Variants in TENM2 observed in about 807,000 individuals in gnomAD.
The protein encoded by TENM2 is teneurin-2.
In TENM2, 52 loss-of-function variants were observed where a neutral mutation model predicts 245.2. That is an observed-to-expected ratio of 0.21 (90% CI 0.17 to 0.27). The LOEUF (loss-of-function observed/expected upper bound fraction) is 0.27. TENM2 is among the 10% of genes least tolerant of loss of function. The pLI is 1.00. For synonymous variants in TENM2, 1,363 were observed against 1,438.9 expected, an observed-to-expected ratio of 0.95 and a Z score of 1.19; for missense variants, 3,046 against 3,666.8, an observed-to-expected ratio of 0.83 and a Z score of 4.37.
At chr5:167,140,979 T>A in the TENM2 span, among the ~76,000 whole-genome samples, 1 of 152,196 alleles carries the variant, frequency 6.6e-6, no homozygotes, top group Non-Finnish European at 1.5e-5. Context: ...GCATTTAAAA[T>A]AAATAAGCCA....
the TENM2 span, among the ~76,000 whole-genome samples, chr5:167,062,491 A>G: frequency 8.7e-6 from 1 of 115,496 alleles, no homozygotes; most frequent in African/African-American, 4.7e-5. Context: ...TCCATGTCCA[A>G]GAATACACAT....
intron 2 of TENM2, among the ~76,000 whole-genome samples, chr5:167,850,877 G>A (rs1340942162): frequency 1.3e-5 from 2 of 152,156 alleles, no homozygotes; most frequent in South Asian, 2.1e-4. Context: ...TCAGGGATTT[G>A]TGTGACATAG....
intron 2 of TENM2, among the ~76,000 whole-genome samples, chr5:167,726,479 A>T (rs1760015637): frequency 6.6e-6 from 1 of 152,046 alleles, no homozygotes; most frequent in African/African-American, 2.4e-5. Flanking sequence ...TTATTTTTAG[A>T]GACAGGGTCT....
chr5:167,231,208 G>C, the TENM2 span, among the ~76,000 whole-genome samples: 9 of 152,172 alleles, frequency 5.9e-5, no homozygotes, highest in Non-Finnish European at 8.8e-5. Context: ...ACTGGGACTG[G>C]AGCACTGCAG....
chr5:167,517,813 C>T (rs1004449039), intron 2 of TENM2, among the ~76,000 whole-genome samples: 2 of 152,008 alleles, frequency 1.3e-5, no homozygotes, highest in Non-Finnish European at 2.9e-5. Flanking sequence ...CTGTTGTGTC[C>T]CCCAAATAGA....
chr5:167,808,988 C>T (rs1041870020), intron 2 of TENM2, among the ~76,000 whole-genome samples: 2 of 152,056 alleles, frequency 1.3e-5, no homozygotes, highest in Non-Finnish European at 2.9e-5. Flanking sequence ...TGTGCCGCAC[C>T]CTCAGTTACA....
At chr5:167,378,660 T>C (rs1760914743) in intron 2 of TENM2, among the ~76,000 whole-genome samples, 1 of 152,128 alleles carries the variant, frequency 6.6e-6, no homozygotes, top group Admixed American at 6.6e-5. Flanking sequence ...CATACTTTTG[T>C]TCAATAATAA....
At chr5:167,595,779 T>C (rs2127715455) in intron 2 of TENM2, among the ~76,000 whole-genome samples, 1 of 152,290 alleles carries the variant, frequency 6.6e-6, no homozygotes, top group Non-Finnish European at 1.5e-5. Context: ...GCACTTACTG[T>C]TTGTAATGTA....
intron 1 of TENM2, among the ~76,000 whole-genome samples, chr5:167,352,226 A>G (rs1758963325): frequency 6.6e-6 from 1 of 152,074 alleles, no homozygotes; most frequent in Non-Finnish European, 1.5e-5. Context: ...TCCCAAAGGG[A>G]CCTGCACTCT....
intron 2 of TENM2, among the ~76,000 whole-genome samples, chr5:167,430,952 A>G (rs1158360982): frequency 2.6e-5 from 4 of 152,200 alleles, no homozygotes; most frequent in Admixed American, 1.3e-4. Flanking sequence ...ATGCAAGCCA[A>G]TCACTTTATG....
chr5:167,073,623 C>G, the TENM2 span, among the ~76,000 whole-genome samples: 1 of 152,094 alleles, frequency 6.6e-6, no homozygotes, highest in Non-Finnish European at 1.5e-5. Context: ...CTGGATAGAT[C>G]CCCCTGTGAC....
chr5:167,926,459 C>T (rs538984108), intron 3 of TENM2, among the ~76,000 whole-genome samples: 6 of 152,244 alleles, frequency 3.9e-5, no homozygotes, highest in African/African-American at 1.2e-4. Flanking sequence ...GTGGCTCATG[C>T]CTGTAATTCC....
intron 2 of TENM2, among the ~76,000 whole-genome samples, chr5:167,814,168 C>A (rs1766857798): frequency 6.6e-6 from 1 of 152,234 alleles, no homozygotes; most frequent in African/African-American, 2.4e-5. Context: ...CACGTTTGAT[C>A]TATACAGATG....
At chr5:167,100,004 C>G in the TENM2 span, among the ~76,000 whole-genome samples, 1 of 152,120 alleles carries the variant, frequency 6.6e-6, no homozygotes, top group Non-Finnish European at 1.5e-5. Context: ...AACGTCTTTC[C>G]TTTGGTGAAT....
Position 167,405,301 on chromosome 5 carries a change from T to G in TENM2, c.502+29828T>G, listed in dbSNP as rs144373109. Among the ~76,000 whole-genome samples the G allele has an allele frequency of 8.1e-3, 1,236 of 152,200 alleles. 22 individuals are homozygous for G. Among genetic ancestry groups the G allele is most frequent in the African/African-American group, 0.027 (1,141 of 41,554 alleles). On this transcript the variant is annotated intron_variant, in intron 2 of 28. Transcript: ENST00000518659. ...GTGCAAAATAGGCCTTGAAGTTTCC[T>G]GCATCTGGGTGCAAACTCCAGTTCT...
the TENM2 span, among the ~76,000 whole-genome samples, chr5:167,271,296 T>C: frequency 6.6e-6 from 1 of 151,884 alleles, no homozygotes; most frequent in South Asian, 2.1e-4. Flanking sequence ...AGGAGGCACA[T>C]AGGAAAATGG....
At chr5:168,163,208 G>A (rs900135235) in intron 13 of TENM2, among the ~76,000 whole-genome samples, 1 of 152,202 alleles carries the variant, frequency 6.6e-6, no homozygotes, top group Non-Finnish European at 1.5e-5. Flanking sequence ...GAGTGATTAA[G>A]TAACTTTTTC....
chr5:167,765,212 G>A (rs1762932616), intron 2 of TENM2, among the ~76,000 whole-genome samples: 1 of 152,164 alleles, frequency 6.6e-6, no homozygotes, highest in Non-Finnish European at 1.5e-5. Context: ...AAAATATGCA[G>A]ATGGAAAACT....
intron 27 of TENM2, among the ~76,000 whole-genome samples, chr5:168,249,400 T>C (rs1766891046): frequency 6.6e-6 from 1 of 152,060 alleles, no homozygotes; most frequent in South Asian, 2.1e-4. Context: ...AAAGTGGCAC[T>C]GTGCTAAGTT....
Sources: allele counts gnomAD v4.1 joint callset (sites outside exome capture counted in the v4.1 genomes callset), GRCh38; gene constraint gnomAD v4.1.1; transcripts MANE v1.5; gene names NCBI Gene and HGNC (gene_info 2026-07-23, HGNC 2026-07-21).